Variants in NFIA observed in about 807,000 individuals in gnomAD.
NFIA encodes the protein nuclear factor I A, also known as nuclear factor 1 A-type.
Under a neutral mutation model 62.8 loss-of-function variants are expected in NFIA, and 8 were observed. That is an observed-to-expected ratio of 0.13 (90% CI 0.07 to 0.23). The LOEUF (loss-of-function observed/expected upper bound fraction) is 0.23, where lower values mean the gene tolerates loss of function less well. Among genes scored for constraint, NFIA ranks in the 10% least tolerant of loss-of-function variants. NFIA has a pLI of 1.00. For missense variants in NFIA, 410 were observed against 642.1 expected, an observed-to-expected ratio of 0.64 and a Z score of 3.91; for synonymous variants, 235 against 238.1, an observed-to-expected ratio of 0.99 and a Z score of 0.12.
At chr1:61,236,055 T>C (rs1654994629) in intron 2 of NFIA, among the ~76,000 whole-genome samples, 1 of 152,076 alleles carries the variant, frequency 6.6e-6, no homozygotes. Flanking sequence ...GCTGATCTTA[T>C]GTTCTACTGC....
rs1443264746 is a variant in NFIA at position 61,462,052 on chromosome 1, T to TG, written c.*6732_*6733insG. ...TTTTTTTTTTTTTTTTGGCTTTTTT[T>TG]TTTGTTTGTTTTTTTTTCTTTTGAC... On this transcript the variant is annotated 3_prime_UTR_variant, in exon 11 of 11. Coordinates refer to ENST00000403491, the MANE Select transcript of NFIA (RefSeq NM_001134673.4). The TG allele has an allele frequency of 6.7e-6, 1 of 150,164 alleles. No homozygotes were observed. Among genetic ancestry groups the TG allele is most frequent in the Admixed American group, 6.6e-5 (1 of 15,134 alleles). 9.3% of individuals were successfully genotyped at this position (150,164 alleles called of 1,614,324 possible). A position where few individuals can be genotyped will look rare whatever the true frequency, so the allele number is the denominator to read the frequency against.
chr1:61,151,563 G>A (rs971508000), intron 2 of NFIA, among the ~76,000 whole-genome samples: 3 of 152,110 alleles, frequency 2.0e-5, no homozygotes, highest in African/African-American at 7.2e-5. Context: ...GAAGGAATGA[G>A]ATTTATGACC....
rs1156381920 is a variant in NFIA at position 61,217,117 on chromosome 1, C to T, written c.560-60403C>T. 1.3e-4 allele frequency among the ~76,000 whole-genome samples: 19 copies of T among 146,330 alleles called. No homozygotes were observed. The East Asian group carries it at 2.2e-3, about 17-fold the overall frequency. ...TGTCACCCAGGCTAGAGTGCAGTGG[C>T]GCAGTCTTGGCTCACTGCAACCTCC... is the stretch of plus-strand genomic sequence containing the variant. On this transcript the variant is annotated intron_variant, in intron 2 of 10. Coordinates refer to ENST00000403491, the MANE Select transcript of NFIA (RefSeq NM_001134673.4).
rs761857871 is a variant in NFIA at position 61,406,666 on chromosome 1, G to A, written c.1359G>A (p.Val453=). ...TGGCCAGGCCTGTGCCTCTGCCGGT[G>A]CCAGACACAAAGCCTCCAACCACGT... ...PPMARPVPLP[V]PDTKPPTTST... Residue 453 remains valine, a synonymous_variant, in exon 9 of 11, where the codon GTG becomes GTA. Transcript: ENST00000403491. 6.2e-7 allele frequency: 1 copy of A among 1,612,372 alleles called. No homozygotes were observed. The highest frequency in any genetic ancestry group is 8.5e-7 in the Non-Finnish European group (1 of 1,179,408).
At chr1:61,210,516 A>G (rs1266474146) in intron 2 of NFIA, among the ~76,000 whole-genome samples, 5 of 152,214 alleles carry the variant, frequency 3.3e-5, no homozygotes, top group South Asian at 2.1e-4. Flanking sequence ...CGTGGCATCT[A>G]TCACAGTCCT....
chr1:61,083,353 T>C (rs1004928843), intron 1 of NFIA, among the ~76,000 whole-genome samples: 1 of 152,030 alleles, frequency 6.6e-6, no homozygotes, highest in Non-Finnish European at 1.5e-5. Context: ...AACGGCCCGC[T>C]CCCCGCAGCC....
intron 2 of NFIA, among the ~76,000 whole-genome samples, chr1:61,091,439 A>G (rs1436642421): frequency 6.6e-6 from 1 of 152,164 alleles, no homozygotes; most frequent in Non-Finnish European, 1.5e-5. Context: ...CTCTAAATCC[A>G]GTGGCATTAG....
intron 2 of NFIA, among the ~76,000 whole-genome samples, chr1:61,268,535 GTCT>G (rs1318062080): frequency 6.6e-6 from 1 of 152,088 alleles, no homozygotes; most frequent in East Asian, 1.9e-4. Context: ...AGTTCTGAGG[GTCT>G]TCTTCTTGAG....
chr1:61,298,067 G>A (rs577261559), intron 3 of NFIA, among the ~76,000 whole-genome samples: 4 of 152,188 alleles, frequency 2.6e-5, no homozygotes, highest in Admixed American at 6.5e-5. Flanking sequence ...ATCTCATCTC[G>A]AATTGTAATC....
chr1:61,233,707 G>A (rs140448984), intron 2 of NFIA, among the ~76,000 whole-genome samples: 16 of 152,220 alleles, frequency 1.1e-4, no homozygotes, highest in Non-Finnish European at 2.2e-4. Flanking sequence ...ACCTCAAAGA[G>A]GATTTGTGAG....
intron 2 of NFIA, among the ~76,000 whole-genome samples, chr1:61,217,234 T>G (rs1480458486): frequency 6.6e-6 from 1 of 150,860 alleles, no homozygotes; most frequent in Non-Finnish European, 1.5e-5. Context: ...TTTTTTTTTT[T>G]TTGTTTTGTA....
chr1:61,334,401 A>T (rs1466417781), intron 4 of NFIA, among the ~76,000 whole-genome samples: 3 of 151,762 alleles, frequency 2.0e-5, no homozygotes, highest in Non-Finnish European at 4.4e-5. Context: ...TATTTGCCAT[A>T]GACAAATAAC....
intron 5 of NFIA, among the ~76,000 whole-genome samples, chr1:61,356,725 A>G (rs1186443218): frequency 6.6e-6 from 1 of 152,226 alleles, no homozygotes; most frequent in African/African-American, 2.4e-5. Flanking sequence ...TTAAATAAGC[A>G]TTAAAGGCAT....
At chr1:61,094,300 A>G (rs1480689663) in intron 2 of NFIA, among the ~76,000 whole-genome samples, 1 of 133,012 alleles carries the variant, frequency 7.5e-6, no homozygotes, top group Non-Finnish European at 1.5e-5. Context: ...AAAGAGAAAC[A>G]TAAAACCCTG....
At chr1:61,277,672 C>A (rs1029591156) in intron 3 of NFIA, 87 bp downstream of exon 3, 4 of 1,330,202 alleles carry the variant, frequency 3.0e-6, no homozygotes, top group Non-Finnish European at 4.3e-6. Flanking sequence ...GGGGGCCTAC[C>A]CTATAAGTAG....
Position 61,456,670 on chromosome 1 carries a change from G to GTAATAA in NFIA, c.*1367_*1372dup, listed in dbSNP as rs771434927. 5 of 142,796 alleles carry GTAATAA rather than the reference G, an allele frequency of 3.5e-5. No individual in the cohort carries two copies. The highest frequency in any genetic ancestry group is 5.3e-5 in the African/African-American group (2 of 37,938). The allele number at this position is 142,796 out of a possible 1,614,324, so 8.8% of individuals were successfully genotyped here. On this transcript the variant is annotated 3_prime_UTR_variant, in exon 11 of 11. Coordinates refer to ENST00000403491, the MANE Select transcript of NFIA (RefSeq NM_001134673.4). ...AACTGGGCTATGGGAAATAATAATA[G>GTAATAA]TAATAATAATAATAATAATAATGAT...
At chr1:61,267,306 C>T (rs375979187) in intron 2 of NFIA, among the ~76,000 whole-genome samples, 8 of 152,192 alleles carry the variant, frequency 5.3e-5, no homozygotes, top group South Asian at 2.1e-4. Flanking sequence ...GTCAGTAGTT[C>T]GAGAGCAGCC....
At chr1:61,433,020 A>G (rs2100563237) in intron 10 of NFIA, among the ~76,000 whole-genome samples, 1 of 152,322 alleles carries the variant, frequency 6.6e-6, no homozygotes, top group Middle Eastern at 3.4e-3. Context: ...ACCAGTCTCC[A>G]GAACTTCTGT....
intron 6 of NFIA, among the ~76,000 whole-genome samples, chr1:61,371,046 G>A (rs779937438): frequency 6.6e-6 from 1 of 152,032 alleles, no homozygotes; most frequent in Admixed American, 6.6e-5. Flanking sequence ...TAGGATAGCA[G>A]GATTACTTAT....
Sources: gnomAD v4.1 joint callset for allele counts (sites outside exome capture counted in the v4.1 genomes callset) on GRCh38, gnomAD v4.1.1 for gene constraint, MANE v1.5 for transcripts, NCBI Gene and HGNC (gene_info 2026-07-23, HGNC 2026-07-21) for gene names.